HP: variants seen among roughly 807,000 people sequenced by gnomAD.
HP encodes the protein haptoglobin, also known as haptoglobin alpha(1S)-beta.
A neutral mutation model predicts 23.2 loss-of-function variants in HP; 9 were observed. The ratio of observed to expected loss-of-function variants is 0.39; its 90% CI spans 0.23 to 0.68. HP has a LOEUF of 0.68. Among genes scored for constraint, HP ranks in the 30% least tolerant of loss-of-function variants. The pLI, the probability that HP is intolerant of heterozygous loss-of-function variation, is 0.47. For synonymous variants in HP, 155 were observed against 183.3 expected (o/e 0.85, Z 1.25); for missense variants, 433 against 483.6 (o/e 0.90, Z 0.98).
At chr16:72,059,210 G>C in intron 6 of HP, 22 bp downstream of exon 6, 1 of 1,564,476 alleles carries the variant, frequency 6.4e-7, no homozygotes, top group South Asian at 1.1e-5. Context: ...GCACTTAAGA[G>C]AGCAGGCAGG....
chr16:72,059,115 A>AAACAC lies in HP; in HGVS notation c.369_370insAACAC (p.Val124AsnfsTer6). ...CTCACTTCTTGCCTTTTGTTTCAGG[A>AAACAC]GTGTACACCTTAAACAATGAGAAGC... On this transcript the variant is annotated frameshift_variant and splice_region_variant, in exon 6 of 7. Transcript: ENST00000355906. LOFTEE classifies it high-confidence loss of function. The AAACAC allele has an allele frequency of 3.2e-6, 5 of 1,563,734 alleles. 1 individual carries two copies. Among genetic ancestry groups the AAACAC allele is most frequent in the Non-Finnish European group, 4.4e-6 (5 of 1,147,704 alleles).
In HP at chr16:72,060,359, T is replaced by A. The variant is rs747632287; in HGVS notation, c.690T>A (p.Leu230=). ...CACTCTATGTGGGGAAAAAGCAGCTTGTAGAGATTGAGAAGGTTGTTCTAC... is the reference window on the plus strand; with the variant it reads ...CACTCTATGTGGGGAAAAAGCAGCTAGTAGAGATTGAGAAGGTTGTTCTAC... ...TLTLYVGKKQ[L]VEIEKVVLHP... Residue 230 remains leucine (L), a synonymous_variant, in exon 7 of 7, where the codon CTT becomes CTA. Transcript: ENST00000355906. 5.6e-6 allele frequency: 9 copies of A among 1,613,950 alleles called. No homozygotes were observed. The African/African-American group carries it at 9.3e-5, about 17-fold the overall frequency.
chr16:72,058,915 G>C (rs1412484280), intron 5 of HP, among the ~76,000 whole-genome samples, 199 bp from the exon 6 acceptor site: 2 of 139,702 alleles, frequency 1.4e-5, no homozygotes, highest in Admixed American at 6.9e-5. Context: ...GTGTTCTGCT[G>C]GGCTTAACTG....
In HP at chr16:72,056,185, C is replaced by G; in HGVS notation, c.30C>G (p.Leu10=). 5 of 1,613,970 alleles carry G rather than the reference C, an allele frequency of 3.1e-6. No homozygotes were observed. Among genetic ancestry groups the G allele is most frequent in the Non-Finnish European group, 3.4e-6 (4 of 1,179,948 alleles). The change falls in exon 2 of 7, where the codon CTC becomes CTG. Residue 10 remains leucine (L), a synonymous_variant. Transcript: ENST00000355906. ...GTGCCCTGGGAGCTGTCATTGCCCT[C>G]CTGCTCTGGGGACAGCTTTTTGCAG... is the stretch of plus-strand genomic sequence containing the variant. MSALGAVIA[L]LLWGQLFAVD... is the part of the protein sequence containing the mutation.
rs562787662 is a variant in HP at position 72,060,133 on chromosome 16, C to G, written c.464C>G (p.Pro155Arg). 1.2e-4 allele frequency: 191 copies of G among 1,613,494 alleles called. No homozygotes were observed. Among genetic ancestry groups the G allele is most frequent in the Admixed American group, 8.3e-4 (50 of 59,986 alleles). Residue 155 changes from proline (P) to arginine (R), a missense_variant, in exon 7 of 7, where the codon CCG becomes CGG. By Grantham distance (103) the Pro-to-Arg change is moderately radical. Transcript: ENST00000355906. The stretch of plus-strand genomic sequence containing the variant: ...ACAGTATGTGGGAAGCCCAAGAATC[C>G]GGCAAACCCAGTGCAGCGGATCCTG... Reference protein sequence around the residue: ...CEAVCGKPKNPANPVQRILGG... With the variant: ...CEAVCGKPKNRANPVQRILGG...
chr16:72,060,991 T>C lies in HP; in HGVS notation c.*101T>C. The C allele has an allele frequency of 2.2e-6, 3 of 1,362,574 alleles. No homozygotes were observed. Among genetic ancestry groups the C allele is most frequent in the Non-Finnish European group, 3.0e-6 (3 of 1,006,652 alleles). The allele number at this position is 1,362,574 out of a possible 1,614,324, so 84.4% of individuals were successfully genotyped here. ...AGGAGTGGATGCGATAAGATGTGGT[T>C]TGAAGCTGATGGGTGCCAGCCCTGC... On this transcript the variant is annotated 3_prime_UTR_variant, in exon 7 of 7. Coordinates refer to ENST00000355906, the MANE Select transcript of HP (RefSeq NM_005143.5).
intron 5 of HP, 151 bp from the exon 6 acceptor site, chr16:72,058,963 C>A: frequency 1.1e-6 from 1 of 904,582 alleles, no homozygotes; most frequent in South Asian, 1.5e-5. Flanking sequence ...GCACTCTTTC[C>A]CTTCCTCCTT....
chr16:72,060,968 G>A lies in HP; in HGVS notation c.*78G>A. 6.7e-7 allele frequency: 1 copy of A among 1,490,068 alleles called. No individual in the cohort carries two copies. Among genetic ancestry groups the A allele is most frequent in the South Asian group, 1.4e-5 (1 of 74,010 alleles). The allele number at this position is 1,490,068 out of a possible 1,614,324, so 92.3% of individuals were successfully genotyped here. Reference sequence around the variant, plus strand: ...GGGCAAAGTGGACGGGAGTGGACAGGAGTGGATGCGATAAGATGTGGTTTG... The same window carrying A: ...GGGCAAAGTGGACGGGAGTGGACAGAAGTGGATGCGATAAGATGTGGTTTG... On this transcript the variant is annotated 3_prime_UTR_variant, in exon 7 of 7. Transcript: ENST00000355906.
In HP at chr16:72,058,374, T is replaced by A. The variant is rs2041488312; in HGVS notation, c.367+19T>A. The A allele has an allele frequency of 1.8e-6, 1 of 551,096 alleles. No individual in the cohort carries two copies. Among genetic ancestry groups the A allele is most frequent in the African/African-American group, 5.2e-5 (1 of 19,192 alleles). 34.1% of individuals were successfully genotyped at this position (551,096 alleles called of 1,614,324 possible). On this transcript the variant is annotated intron_variant, in intron 5 of 6. Transcript: ENST00000355906. ...GGAGATGGTAAGATGTGGACAACTG[T>A]CTCCATGCCCTACATACAACCCCCT...
intron 2 of HP, 38 bp downstream of exon 2, chr16:72,056,281 T>C (rs1200478294): frequency 6.3e-7 from 1 of 1,591,970 alleles, no homozygotes; most frequent in African/African-American, 1.3e-5. Flanking sequence ...CATCCCACTC[T>C]GACCCTCTCG....
chr16:72,056,181 C>T lies in HP; in HGVS notation c.26C>T (p.Ala9Val). 9.9e-6 allele frequency: 16 copies of T among 1,613,926 alleles called. No individual in the cohort carries two copies. Among genetic ancestry groups the T allele is most frequent in the Non-Finnish European group, 1.3e-5 (15 of 1,179,936 alleles). Residue 9 changes from alanine to valine, a missense_variant, in exon 2 of 7, where the codon GCC becomes GTC. This residue lies in a region of HP where 71 missense variants were observed against 54.2 expected (regional missense o/e 1.31). Transcript: ENST00000355906. ...TGCAGTGCCCTGGGAGCTGTCATTGCCCTCCTGCTCTGGGGACAGCTTTTT... is the reference window on the plus strand; with the variant it reads ...TGCAGTGCCCTGGGAGCTGTCATTGTCCTCCTGCTCTGGGGACAGCTTTTT... MSALGAVI[A>V]LLLWGQLFAV...
intron 1 of HP, chr16:72,055,854 G>T: frequency 2.5e-6 from 1 of 406,354 alleles, no homozygotes; most frequent in Non-Finnish European, 4.7e-6. Flanking sequence ...CAGAAACTGA[G>T]CCCACCCCTC....
Position 72,059,194 on chromosome 16 carries a change from T to C in HP, c.442+6T>C, listed in dbSNP as rs1203907077. ...ACTTCCTGAATGTGAAGCAGGTGGG[T>C]GCTGAGCACTTAAGAGAGCAGGCAG... On this transcript the variant is annotated splice_donor_region_variant and intron_variant, in intron 6 of 6. Transcript: ENST00000355906. 1 of 1,557,234 alleles carries C rather than the reference T, an allele frequency of 6.4e-7. No homozygotes were observed. Among genetic ancestry groups the C allele is most frequent in the South Asian group, 1.1e-5 (1 of 90,322 alleles).
chr16:72,059,383 G>A, intron 6 of HP, 195 bp downstream of exon 6: 1 of 765,376 alleles, frequency 1.3e-6, no homozygotes, highest in Non-Finnish European at 2.1e-6. Flanking sequence ...TGTTCATTAG[G>A]GCCTGAAGGG....
chr16:72,057,174 C>T, intron 3 of HP: 1 of 620,014 alleles, frequency 1.6e-6, no homozygotes, highest in Non-Finnish European at 2.9e-6. Context: ...ACCGCCATGA[C>T]CACAGTGTGT....
At position 72,060,470 on chromosome 16, in the gene HP, A is replaced by C; in HGVS notation, c.801A>C (p.Leu267=). The change falls in exon 7 of 7, where the codon CTA becomes CTC. Residue 267 remains leucine (L), a synonymous_variant. Coordinates refer to ENST00000355906, the MANE Select transcript of HP (RefSeq NM_005143.5). The part of the protein sequence containing the change: ...SVNERVMPIC[L]PSKDYAEVGR... ...ATGAGAGAGTGATGCCCATCTGCCT[A>C]CCTTCAAAGGATTATGCAGAAGTAG... 6.2e-7 allele frequency: 1 copy of C among 1,614,176 alleles called. No individual in the cohort carries two copies.
intron 1 of HP, 33 bp downstream of exon 1, chr16:72,054,690 C>T: frequency 1.2e-6 from 2 of 1,612,232 alleles, no homozygotes; most frequent in Non-Finnish European, 1.7e-6. Flanking sequence ...TGCCTTTCCT[C>T]TGGTTCTTTA....
At chr16:72,058,972 T>A (rs561418473) in intron 5 of HP, 142 bp from the exon 6 acceptor site, 2 of 952,530 alleles carry the variant, frequency 2.1e-6, no homozygotes, top group South Asian at 1.5e-5. Flanking sequence ...CCCTTCCTCC[T>A]TCTCATATAC....
intron 2 of HP, 142 bp downstream of exon 2, chr16:72,056,385 A>T: frequency 6.4e-7 from 1 of 1,571,612 alleles, no homozygotes; most frequent in Non-Finnish European, 8.6e-7. Context: ...TCCTGCCAGA[A>T]ATGAGGGGAG....
Sources: gnomAD v4.1 joint callset for allele counts (sites outside exome capture counted in the v4.1 genomes callset) on GRCh38, gnomAD v4.1.1 for gene constraint, gnomAD v4.1.1 regional missense constraint, MANE v1.5 for transcripts, NCBI Gene and HGNC (gene_info 2026-07-23, HGNC 2026-07-21) for gene names.